The following RAB38 variants were observed in gnomAD, a reference collection of about 807,000 sequenced individuals.
RAB38 encodes RAB38, member RAS oncogene family, also known as ras-related protein Rab-38.
RAB38 carries 15 observed loss-of-function variants against 18.4 expected under a neutral mutation model. The observed-to-expected ratio is 0.82, with a 90% CI of 0.55 to 1.26. The LOEUF is 1.26. RAB38 is among the 50% of genes most tolerant of loss of function. RAB38 has a pLI of 0.00. For synonymous variants in RAB38, 101 were observed against 104.4 expected (o/e 0.97, Z 0.20); for missense variants, 294 against 267.4 (o/e 1.10, Z -0.69).
chr11:87,936,679 T>G, the RAB38 span, among the ~76,000 whole-genome samples: 1 of 152,124 alleles, frequency 6.6e-6, no homozygotes, highest in Non-Finnish European at 1.5e-5. Context: ...CCTTCCAATA[T>G]AAATTTTAGA....
At chr11:87,951,413 C>T in the RAB38 span, among the ~76,000 whole-genome samples, 3 of 152,194 alleles carry the variant, frequency 2.0e-5, no homozygotes, top group East Asian at 1.9e-4. Context: ...CATTCTCCAT[C>T]CAGCTTTGTT....
At chr11:88,143,298 G>A (rs1474352343) in intron 2 of RAB38, among the ~76,000 whole-genome samples, 1 of 152,224 alleles carries the variant, frequency 6.6e-6, no homozygotes, top group Non-Finnish European at 1.5e-5. Context: ...CTAAAGAGAA[G>A]TTATTCTTAT....
At chr11:88,081,298 A>G in the RAB38 span, among the ~76,000 whole-genome samples, 1 of 151,936 alleles carries the variant, frequency 6.6e-6, no homozygotes, top group African/African-American at 2.4e-5. Flanking sequence ...GTATTTACAC[A>G]AGAGAAATAA....
the RAB38 span, among the ~76,000 whole-genome samples, chr11:88,025,562 A>G: frequency 6.6e-5 from 10 of 152,130 alleles, no homozygotes; most frequent in Non-Finnish European, 1.0e-4. Context: ...CTTTTTAATA[A>G]TAGCCATTCT....
chr11:87,838,837 G>C, the RAB38 span, among the ~76,000 whole-genome samples: 1 of 152,130 alleles, frequency 6.6e-6, no homozygotes, highest in Non-Finnish European at 1.5e-5. Flanking sequence ...TGCTTACTAT[G>C]TGCTGACACT....
the RAB38 span, chr11:87,816,973 A>G: frequency 2.0e-5 from 3 of 152,148 alleles, no homozygotes; most frequent in African/African-American, 7.2e-5. Context: ...TATATGAATC[A>G]ATTATTAGGT....
the RAB38 span, among the ~76,000 whole-genome samples, chr11:87,849,759 G>A: frequency 6.6e-6 from 1 of 152,118 alleles, no homozygotes; most frequent in South Asian, 2.1e-4. Flanking sequence ...AATGAGTCAA[G>A]TAATAGGTAA....
At chr11:88,142,447 T>C (rs887510369) in intron 2 of RAB38, among the ~76,000 whole-genome samples, 2 of 152,248 alleles carry the variant, frequency 1.3e-5, no homozygotes, top group South Asian at 2.1e-4. Context: ...GAGCATCCTA[T>C]GCACTGAAGC....
At chr11:87,937,984 G>C in the RAB38 span, among the ~76,000 whole-genome samples, 3 of 149,494 alleles carry the variant, frequency 2.0e-5, no homozygotes, top group East Asian at 2.0e-4. Context: ...TTCACTTTCA[G>C]ATCTTTCTGG....
the RAB38 span, among the ~76,000 whole-genome samples, chr11:87,819,772 A>G: frequency 1.5e-3 from 191 of 124,708 alleles, 1 homozygote; most frequent in African/African-American, 5.6e-3. Flanking sequence ...ATATATGTGT[A>G]TATATATATA....
At chr11:88,111,666 A>G (rs1591149699), downstream of RAB38, among the ~76,000 whole-genome samples, 1 of 152,180 alleles carries the variant, frequency 6.6e-6, no homozygotes. Context: ...CCACTTAATG[A>G]CCCTTAAATA....
At chr11:87,953,472 C>T in the RAB38 span, among the ~76,000 whole-genome samples, 1 of 152,046 alleles carries the variant, frequency 6.6e-6, no homozygotes, top group East Asian at 1.9e-4. Context: ...TAACTGTGGT[C>T]TGAAAATAGG....
At chr11:88,162,307 C>T (rs1943195956) in intron 1 of RAB38, among the ~76,000 whole-genome samples, 1 of 152,070 alleles carries the variant, frequency 6.6e-6, no homozygotes, top group Non-Finnish European at 1.5e-5. Flanking sequence ...TAGAACTTAC[C>T]TGGTACAATC....
chr11:87,948,787 G>T, the RAB38 span, among the ~76,000 whole-genome samples: 3 of 151,024 alleles, frequency 2.0e-5, no homozygotes, highest in South Asian at 2.1e-4. Flanking sequence ...GCTGGATTCG[G>T]TTTGCCAGTA....
At chr11:88,003,566 G>C in the RAB38 span, among the ~76,000 whole-genome samples, 3 of 48,090 alleles carry the variant, frequency 6.2e-5, 1 homozygote, top group African/African-American at 2.5e-4. Flanking sequence ...ATAATAGATT[G>C]TATATATTAT....
At chr11:87,976,314 A>T in the RAB38 span, among the ~76,000 whole-genome samples, 1 of 139,018 alleles carries the variant, frequency 7.2e-6, no homozygotes, top group Admixed American at 7.4e-5. Flanking sequence ...ATATACACAT[A>T]TACCAGAGTT....
At chr11:88,092,886 G>C in the RAB38 span, among the ~76,000 whole-genome samples, 1 of 151,672 alleles carries the variant, frequency 6.6e-6, no homozygotes, top group African/African-American at 2.4e-5. Flanking sequence ...AGACATGAGA[G>C]TTCATTCTAA....
At chr11:87,949,533 A>G in the RAB38 span, among the ~76,000 whole-genome samples, 6 of 152,226 alleles carry the variant, frequency 3.9e-5, no homozygotes, top group Admixed American at 6.5e-5. Flanking sequence ...ATTTAGTGCT[A>G]TAAATATCCC....
chr11:87,934,184 A>C, the RAB38 span, among the ~76,000 whole-genome samples: 1 of 152,102 alleles, frequency 6.6e-6, no homozygotes, highest in Non-Finnish European at 1.5e-5. Context: ...TGTGTATCTC[A>C]ATTACAAATA....
Sources: gnomAD v4.1 joint callset for allele counts (sites outside exome capture counted in the v4.1 genomes callset) on GRCh38, gnomAD v4.1.1 for gene constraint, MANE v1.5 for transcripts, NCBI Gene and HGNC (gene_info 2026-07-23, HGNC 2026-07-21) for gene names.